The following VAV1 variants were observed in gnomAD, a reference collection of about 807,000 sequenced individuals.
VAV1 encodes vav guanine nucleotide exchange factor 1, also known as proto-oncogene vav.
A neutral mutation model predicts 128.1 loss-of-function variants in VAV1; 33 were observed. The observed-to-expected ratio is 0.26, with a 90% CI of 0.20 to 0.34. The LOEUF (loss-of-function observed/expected upper bound fraction) is 0.34, where lower values mean the gene tolerates loss of function less well. VAV1 is among the 10% of genes least tolerant of loss of function. The probability of loss-of-function intolerance (pLI) is 1.00; values close to 1 mark genes in which losing one functional copy is unlikely to be tolerated. For synonymous variants in VAV1, 394 were observed against 409.8 expected (o/e 0.96, Z 0.47); for missense variants, 715 against 1,093.7 (o/e 0.65, Z 4.88).
intron 1 of VAV1, among the ~76,000 whole-genome samples, chr19:6,783,007 C>T (rs529599782): frequency 2.0e-5 from 3 of 151,870 alleles, no homozygotes; most frequent in African/African-American, 4.8e-5. Context: ...TGGGGAAATC[C>T]GGTTTCTACT....
At chr19:6,853,561 T>TAA (rs1039355884) in intron 25 of VAV1, among the ~76,000 whole-genome samples, 2 of 140,246 alleles carry the variant, frequency 1.4e-5, no homozygotes, top group Admixed American at 1.4e-4. Flanking sequence ...CCATCTCTAC[T>TAA]AAAAAAAAAA....
chr19:6,787,974 G>A lies in VAV1; in HGVS notation c.204+14963G>A, dbSNP rs369751737. On this transcript the variant is annotated intron_variant, in intron 1 of 26. Transcript: ENST00000602142. The stretch of plus-strand genomic sequence containing the variant: ...CACCTGTAGTCCCAGCTACTTGGGA[G>A]GCTGAGGCAGGAGAATGGCGTGAAC... Among the ~76,000 whole-genome samples the A allele has an allele frequency of 1.3e-4, 20 of 152,218 alleles. No individual in the cohort carries two copies. In the East Asian group the frequency reaches 3.1e-3, roughly 24 times the overall value.
intron 1 of VAV1, among the ~76,000 whole-genome samples, chr19:6,799,838 C>A (rs1971223371): frequency 8.8e-6 from 1 of 113,182 alleles, no homozygotes. Context: ...CAGACTGAGA[C>A]TGTCTCAAAA....
chr19:6,776,413 C>T (rs868765001), intron 1 of VAV1, among the ~76,000 whole-genome samples: 1 of 83,242 alleles, frequency 1.2e-5, no homozygotes, highest in African/African-American at 4.8e-5. Context: ...TCTATCCATC[C>T]ATCCATCCAT....
chr19:6,838,256 A>G (rs1972273612), intron 21 of VAV1, among the ~76,000 whole-genome samples: 1 of 151,542 alleles, frequency 6.6e-6, no homozygotes, highest in East Asian at 1.9e-4. Flanking sequence ...TCTTTTATCT[A>G]TTTACCTATC....
chr19:6,821,268 G>T (rs1971775432), intron 2 of VAV1, among the ~76,000 whole-genome samples: 1 of 152,064 alleles, frequency 6.6e-6, no homozygotes, highest in South Asian at 2.1e-4. Flanking sequence ...GGGTGTGGTG[G>T]CCGGCGCCTG....
intron 1 of VAV1, among the ~76,000 whole-genome samples, chr19:6,800,315 A>AT (rs11426897): frequency 0.81 from 120,343 of 147,760 alleles, 49,210 homozygotes; most frequent in East Asian, 0.93. Flanking sequence ...TATCTGTCTC[A>AT]TTTTTTTTTT....
chr19:6,828,915 C>T lies in VAV1; in HGVS notation c.1265+15C>T. The stretch of plus-strand genomic sequence containing the variant: ...AAGATGGACAGGTGGGTGGAGTCAA[C>T]ATGGATCTGGGATGGAGCCTGGGCA... On this transcript the variant is annotated intron_variant, in intron 13 of 26. Transcript: ENST00000602142. This position sits in a 1 kb window ranked among gnomAD's most constrained non-coding sequence, Gnocchi z 4.5. 1.2e-6 allele frequency: 2 copies of T among 1,613,798 alleles called. No homozygotes were observed. The highest frequency in any genetic ancestry group is 1.1e-5 in the South Asian group (1 of 91,062).
At position 6,826,199 on chromosome 19, in the gene VAV1, A is replaced by G. The variant is rs537065987; in HGVS notation, c.828-413A>G. ...CTAAAAATACAAAAATTAGCCAGGC[A>G]TGGTGGCAGGTGTCTGTAATCCCAG... On this transcript the variant is annotated intron_variant, in intron 8 of 26. Transcript: ENST00000602142. The surrounding 1 kb of genome is among the most constrained non-coding windows in gnomAD (Gnocchi z 4.1). Among the ~76,000 whole-genome samples the G allele has an allele frequency of 1.8e-3, 276 of 151,566 alleles. 5 individuals carry two copies. In the South Asian group the frequency reaches 0.038, roughly 21 times the overall value.
Position 6,838,438 on chromosome 19 carries a change from TCTATCA to T in VAV1, c.1980+1389_1980+1394del, listed in dbSNP as rs1318725045. 7.0e-4 allele frequency among the ~76,000 whole-genome samples: 99 copies of T among 140,568 alleles called. No homozygotes were observed. The East Asian group carries it at 0.016, about 22-fold the overall frequency. 92.2% of individuals were successfully genotyped at this position (140,568 alleles called of 152,430 possible). A position where few individuals can be genotyped will look rare whatever the true frequency, so the allele number is the denominator to read the frequency against. ...ATCCATCCATCCATCCATCCATCCA[TCTATCA>T]TCTATCTACTTATCAATACATTCAT... On this transcript the variant is annotated intron_variant, in intron 21 of 26. Transcript: ENST00000602142.
intron 6 of VAV1, among the ~76,000 whole-genome samples, chr19:6,824,833 C>T (rs1971877655): frequency 6.6e-6 from 1 of 152,118 alleles, no homozygotes. Flanking sequence ...CCTGGCCGGA[C>T]CACATTTGAA....
In VAV1 at chr19:6,787,020, A is replaced by ATTTTTT. The variant is rs56137755; in HGVS notation, c.204+14019_204+14024dup. ...AGGCCCATTTGTTGACACGCTGTCT[A>ATTTTTT]TTTTTTTTTTTTTTTGAGATGGAGT... On this transcript the variant is annotated intron_variant, in intron 1 of 26. Coordinates refer to ENST00000602142, the MANE Select transcript of VAV1 (RefSeq NM_005428.4). 7.9e-5 allele frequency among the ~76,000 whole-genome samples: 11 copies of ATTTTTT among 138,498 alleles called. 1 individual carries two copies. The highest frequency in any genetic ancestry group is 2.4e-4 in the African/African-American group (9 of 37,230). 90.9% of individuals were successfully genotyped at this position (138,498 alleles called of 152,430 possible). A position where few individuals can be genotyped will look rare whatever the true frequency, so the allele number is the denominator to read the frequency against.
At chr19:6,804,665 C>T (rs1368503523) in intron 1 of VAV1, among the ~76,000 whole-genome samples, 4 of 151,560 alleles carry the variant, frequency 2.6e-5, no homozygotes, top group Non-Finnish European at 4.4e-5. Flanking sequence ...GTTCTGCCTG[C>T]CTTGGCCTCC....
intron 1 of VAV1, among the ~76,000 whole-genome samples, chr19:6,802,579 T>C (rs1971299464): frequency 6.6e-6 from 1 of 152,122 alleles, no homozygotes; most frequent in South Asian, 2.1e-4. Flanking sequence ...CTGATCTCCC[T>C]GAGGTCAGGA....
chr19:6,801,226 G>T (rs951142362), intron 1 of VAV1, among the ~76,000 whole-genome samples: 2 of 152,176 alleles, frequency 1.3e-5, no homozygotes, highest in African/African-American at 4.8e-5. Flanking sequence ...GACCGGGTCT[G>T]GGGTGCTGGG....
At chr19:6,839,235 T>A (rs1972308767) in intron 21 of VAV1, among the ~76,000 whole-genome samples, 1 of 150,672 alleles carries the variant, frequency 6.6e-6, no homozygotes, top group Admixed American at 6.6e-5. Context: ...TTTTTTTTTT[T>A]TAGAGATAGG....
chr19:6,836,547 G>A lies in VAV1; in HGVS notation c.1893G>A (p.Glu631=). The A allele has an allele frequency of 1.9e-6, 3 of 1,614,078 alleles. No homozygotes were observed. Among genetic ancestry groups the A allele is most frequent in the Non-Finnish European group, 2.5e-6 (3 of 1,180,028 alleles). ...ACATTGTGGAGCTCACGAAGGCTGAGGCTGAACAGAACTGGTGGGAGGTAC... is the reference window on the plus strand; with the variant it reads ...ACATTGTGGAGCTCACGAAGGCTGAAGCTGAACAGAACTGGTGGGAGGTAC... The part of the protein sequence containing the change: ...PGDIVELTKA[E]AEQNWWEGRN... The change falls in exon 20 of 27, where the codon GAG becomes GAA. Residue 631 remains glutamate (E), a synonymous_variant. Transcript: ENST00000602142.
At chr19:6,804,588 T>C (rs1971346179) in intron 1 of VAV1, among the ~76,000 whole-genome samples, 1 of 151,700 alleles carries the variant, frequency 6.6e-6, no homozygotes, top group Non-Finnish European at 1.5e-5. Context: ...GACTAACTTT[T>C]GTATTTTTAG....
chr19:6,772,768 G>A lies in VAV1; in HGVS notation c.-40G>A. On this transcript the variant is annotated 5_prime_UTR_variant, in exon 1 of 27. Coordinates refer to ENST00000602142, the MANE Select transcript of VAV1 (RefSeq NM_005428.4). The surrounding 1 kb of genome is among the most constrained non-coding windows in gnomAD (Gnocchi z 4.8). ...GCGTGCGGGCGGGTGGGTGGTGGAGGCTGCGAGGGTGCACGGCCGGCCCTG... is the reference window on the plus strand; with the variant it reads ...GCGTGCGGGCGGGTGGGTGGTGGAGACTGCGAGGGTGCACGGCCGGCCCTG... 5 of 1,594,072 alleles carry A rather than the reference G, an allele frequency of 3.1e-6. No individual in the cohort carries two copies. Among genetic ancestry groups the A allele is most frequent in the Non-Finnish European group, 4.3e-6 (5 of 1,170,262 alleles).
Sources: allele counts gnomAD v4.1 joint callset (sites outside exome capture counted in the v4.1 genomes callset), GRCh38; gene constraint gnomAD v4.1.1; non-coding constraint Gnocchi (gnomAD v3.1); transcripts MANE v1.5; gene names NCBI Gene and HGNC (gene_info 2026-07-23, HGNC 2026-07-21).